The following SAYSD1 variants were observed in gnomAD, a reference collection of about 807,000 sequenced individuals.
SAYSD1 encodes the protein SAYSvFN domain-containing protein 1.
In SAYSD1, 15 loss-of-function variants were observed where a neutral mutation model predicts 14.5. The ratio of observed to expected loss-of-function variants is 1.03; its 90% CI spans 0.69 to 1.59. The LOEUF (loss-of-function observed/expected upper bound fraction) is 1.59, where lower values mean the gene tolerates loss of function less well. SAYSD1 is among the 40% of genes most tolerant of loss of function. SAYSD1 has a pLI of 0.00. For synonymous variants in SAYSD1, 105 were observed against 102.6 expected, an observed-to-expected ratio of 1.02 and a Z score of -0.14; for missense variants, 247 against 227.3, an observed-to-expected ratio of 1.09 and a Z score of -0.56.
At position 39,109,269 on chromosome 6, in the gene SAYSD1, T is replaced by C. The variant is rs965305327; in HGVS notation, c.208-3493A>G. 3.9e-6 allele frequency: 6 copies of C among 1,525,090 alleles called. No homozygotes were observed. The Admixed American group carries it at 1.2e-4, about 30-fold the overall frequency. 94.5% of individuals were successfully genotyped at this position (1,525,090 alleles called of 1,614,324 possible). On this transcript the variant is annotated intron_variant, in intron 1 of 1. Coordinates refer to ENST00000229903, the MANE Select transcript of SAYSD1 (RefSeq NM_018322.3). ...GCTGGGGGCTTGCCTGGGATATGGC[T>C]GGAGAGGGAAGCAGGAGGTTTCTGT...
intron 1 of SAYSD1, among the ~76,000 whole-genome samples, chr6:39,107,534 C>CA (rs1456259212): frequency 6.6e-5 from 10 of 152,356 alleles, no homozygotes; most frequent in Non-Finnish European, 1.3e-4. Context: ...TTCATCTCTT[C>CA]AGTTACATCC....
At chr6:39,108,682 A>C (rs971711547) in intron 1 of SAYSD1, among the ~76,000 whole-genome samples, 1 of 152,086 alleles carries the variant, frequency 6.6e-6, no homozygotes, top group Non-Finnish European at 1.5e-5. Context: ...CCTTCCCCTC[A>C]TATCACTTGG....
chr6:39,111,166 T>A (rs1475184790), intron 1 of SAYSD1: 2 of 151,866 alleles, frequency 1.3e-5, no homozygotes, highest in East Asian at 3.9e-4. Flanking sequence ...AAGGAAAAAA[T>A]ATATAGTAAA....
chr6:39,112,292 G>C (rs756543469), intron 1 of SAYSD1: 2 of 153,488 alleles, frequency 1.3e-5, no homozygotes, highest in Non-Finnish European at 2.9e-5. Flanking sequence ...ACAGCTTAAC[G>C]ACCTCAAAAC....
At chr6:39,111,619 G>A (rs1769627538) in intron 1 of SAYSD1, 1 of 152,152 alleles carries the variant, frequency 6.6e-6, no homozygotes, top group African/African-American at 2.4e-5. Context: ...CTCTGAAACA[G>A]CTTCAGAGGA....
At chr6:39,109,369 G>T in intron 1 of SAYSD1, 1 of 1,550,808 alleles carries the variant, frequency 6.4e-7, no homozygotes, top group East Asian at 2.4e-5. Context: ...TCAGGAAACT[G>T]CTTTTCTCCA....
Position 39,115,116 on chromosome 6 carries a change from A to T in SAYSD1, c.-27T>A, listed in dbSNP as rs1424207755. ...GCGCGCGCCTCGCGTCCGTTGGCCGATAAGGGAGCGCGCGCCCGCAGGCCG... is the reference window on the plus strand; with the variant it reads ...GCGCGCGCCTCGCGTCCGTTGGCCGTTAAGGGAGCGCGCGCCCGCAGGCCG... On this transcript the variant is annotated 5_prime_UTR_variant, in exon 1 of 2. Transcript: ENST00000229903. The T allele has an allele frequency of 6.3e-7, 1 of 1,587,140 alleles. No homozygotes were observed. Among genetic ancestry groups the T allele is most frequent in the Non-Finnish European group, 8.5e-7 (1 of 1,171,002 alleles).
chr6:39,109,184 G>T, intron 1 of SAYSD1: 1 of 891,988 alleles, frequency 1.1e-6, no homozygotes, highest in Non-Finnish European at 1.8e-6. Context: ...CCTGAGCCAA[G>T]GCCTGGAGGT....
chr6:39,114,539 G>C (rs1488061346), intron 1 of SAYSD1, among the ~76,000 whole-genome samples: 1 of 152,256 alleles, frequency 6.6e-6, no homozygotes, highest in East Asian at 1.9e-4. Flanking sequence ...TCCATTAGCA[G>C]AGGGCTGTGG....
At chr6:39,107,650 C>G (rs1439333671) in intron 1 of SAYSD1, among the ~76,000 whole-genome samples, 1 of 152,156 alleles carries the variant, frequency 6.6e-6, no homozygotes, top group African/African-American at 2.4e-5. Context: ...TTTTTAGCAT[C>G]AACATTGTAA....
chr6:39,112,304 G>A (rs1769643576), intron 1 of SAYSD1: 1 of 153,672 alleles, frequency 6.5e-6, no homozygotes, highest in Non-Finnish European at 1.5e-5. Flanking sequence ...CCTCAAAACT[G>A]AGAATACAAT....
At chr6:39,109,494 T>C in intron 1 of SAYSD1, 1 of 1,491,046 alleles carries the variant, frequency 6.7e-7, no homozygotes, top group Non-Finnish European at 8.9e-7. Context: ...GAGGCATCAT[T>C]GCAGTCAGAG....
chr6:39,112,256 A>G (rs552365718), intron 1 of SAYSD1: 14 of 153,256 alleles, frequency 9.1e-5, no homozygotes. Flanking sequence ...AAAAACATTA[A>G]CAAAAACAGT....
intron 1 of SAYSD1, among the ~76,000 whole-genome samples, chr6:39,113,893 T>C (rs921839141): frequency 1.3e-5 from 2 of 152,234 alleles, no homozygotes; most frequent in Non-Finnish European, 2.9e-5. Flanking sequence ...GCAAGTCAGC[T>C]GGAATCCTGT....
At chr6:39,109,708 G>A in intron 1 of SAYSD1, 1 of 842,602 alleles carries the variant, frequency 1.2e-6, no homozygotes, top group Non-Finnish European at 1.5e-6. Context: ...TCATTTCCTT[G>A]GACCTAATAT....
chr6:39,105,558 T>C lies in SAYSD1; in HGVS notation c.426A>G (p.Glu142=), dbSNP rs375464071. The C allele has an allele frequency of 8.1e-5, 130 of 1,614,210 alleles. 1 individual carries two copies. In the South Asian group the frequency reaches 9.7e-4, roughly 12 times the overall value. Residue 142 remains glutamate (E), a synonymous_variant, in exon 2 of 2, where the codon GAA becomes GAG. Transcript: ENST00000229903. ...CGCTCTTCTCTCCCTCTTTCTTCTCTTCAGGGCCTCGTGTCCCGACGTACA... is the reference window on the plus strand; with the variant it reads ...CGCTCTTCTCTCCCTCTTTCTTCTCCTCAGGGCCTCGTGTCCCGACGTACA... ...YWMYVGTRGP[E]EKKEGEKSAY...
intron 1 of SAYSD1, among the ~76,000 whole-genome samples, chr6:39,107,213 C>T (rs535486924): frequency 2.0e-5 from 3 of 152,328 alleles, no homozygotes; most frequent in African/African-American, 7.2e-5. Context: ...TCTCAGTCCT[C>T]ATCTCAAGCC....
chr6:39,113,787 T>G (rs1769677573), intron 1 of SAYSD1: 1 of 152,164 alleles, frequency 6.6e-6, no homozygotes, highest in African/African-American at 2.4e-5. Flanking sequence ...ACTTAGAAAG[T>G]TCTAGTCAAC....
intron 1 of SAYSD1, chr6:39,111,045 A>C (rs1325796154): frequency 3.3e-5 from 5 of 152,348 alleles, no homozygotes; most frequent in African/African-American, 1.2e-4. Context: ...TTTAAAAAAA[A>C]ACTGTGTGTT....
Sources: gnomAD v4.1 joint callset for allele counts (sites outside exome capture counted in the v4.1 genomes callset) on GRCh38, gnomAD v4.1.1 for gene constraint, MANE v1.5 for transcripts, NCBI Gene and HGNC (gene_info 2026-07-23, HGNC 2026-07-21) for gene names.